Variants in NTRK3 observed in about 807,000 individuals in gnomAD.
The protein encoded by NTRK3 is NT-3 growth factor receptor.
Under a neutral mutation model 91.7 loss-of-function variants are expected in NTRK3, and 24 were observed. That is an observed-to-expected ratio of 0.26 (90% CI 0.19 to 0.37). The LOEUF (loss-of-function observed/expected upper bound fraction) is 0.37, where lower values mean the gene tolerates loss of function less well. Among genes scored for constraint, NTRK3 ranks in the 10% least tolerant of loss-of-function variants. The probability of loss-of-function intolerance (pLI) is 1.00; values close to 1 mark genes in which losing one functional copy is unlikely to be tolerated. For missense variants in NTRK3, 880 were observed against 1,068.9 expected, an observed-to-expected ratio of 0.82 and a Z score of 2.46; for synonymous variants, 483 against 404.0, an observed-to-expected ratio of 1.20 and a Z score of -2.34.
chr15:87,991,502 C>G (rs1270274533), intron 14 of NTRK3, among the ~76,000 whole-genome samples: 1 of 152,314 alleles, frequency 6.6e-6, no homozygotes, highest in African/African-American at 2.4e-5. Context: ...CCAGCACAAA[C>G]TTTCTTCTGA....
At chr15:88,028,509 C>G (rs964509416) in intron 14 of NTRK3, among the ~76,000 whole-genome samples, 1 of 151,864 alleles carries the variant, frequency 6.6e-6, no homozygotes, top group African/African-American at 2.4e-5. Flanking sequence ...AGGACAGAGA[C>G]CTACAAGAGG....
chr15:87,955,789 A>C (rs747094180), intron 14 of NTRK3, among the ~76,000 whole-genome samples: 6 of 152,164 alleles, frequency 3.9e-5, no homozygotes, highest in Non-Finnish European at 8.8e-5. Flanking sequence ...GATGGAAACC[A>C]AGGTGCCAAC....
At chr15:88,165,139 G>A (rs981710276) in intron 5 of NTRK3, among the ~76,000 whole-genome samples, 6 of 152,178 alleles carry the variant, frequency 3.9e-5, no homozygotes, top group African/African-American at 1.4e-4. Flanking sequence ...AAACAAGCGG[G>A]AACAGAACAG....
At chr15:88,184,191 A>C in intron 4 of NTRK3, 34 bp downstream of exon 4, 1 of 1,609,046 alleles carries the variant, frequency 6.2e-7, no homozygotes, top group South Asian at 1.1e-5. Flanking sequence ...CCCCTTCCAC[A>C]GGGAAAGGCC....
intron 13 of NTRK3, among the ~76,000 whole-genome samples, chr15:88,060,561 AG>A (rs1028319642): frequency 2.0e-5 from 3 of 152,068 alleles, no homozygotes; most frequent in African/African-American, 7.2e-5. Context: ...AGGGGGAGAC[AG>A]GGTAGAGAGG....
Position 88,184,441 on chromosome 15 carries a change from C to T in NTRK3, c.249-142G>A, listed in dbSNP as rs2046785901. ...GCCAAGTCACCAAATAAATCTGAGC[C>T]TCAGTTTCTTCCTCTGCGTGGTGGG... On this transcript the variant is annotated intron_variant, in intron 3 of 18. Coordinates refer to ENST00000394480, the Ensembl canonical transcript of NTRK3. 5 of 818,566 alleles carry T rather than the reference C, an allele frequency of 6.1e-6. No individual in the cohort carries two copies. The East Asian group carries it at 8.0e-5, about 13-fold the overall frequency. 50.7% of individuals were successfully genotyped at this position (818,566 alleles called of 1,614,324 possible). A position where few individuals can be genotyped will look rare whatever the true frequency, so the allele number is the denominator to read the frequency against.
At chr15:87,990,344 C>T (rs975875237) in intron 14 of NTRK3, among the ~76,000 whole-genome samples, 3 of 152,166 alleles carry the variant, frequency 2.0e-5, no homozygotes, top group African/African-American at 4.8e-5. Context: ...GAGCACATAC[C>T]GTTCTGCAGA....
At chr15:88,036,216 A>G (rs1168379176) in intron 13 of NTRK3, among the ~76,000 whole-genome samples, 1 of 152,172 alleles carries the variant, frequency 6.6e-6, no homozygotes, top group Admixed American at 6.5e-5. Flanking sequence ...ACACACGTAT[A>G]TCAAGGCACA....
intron 13 of NTRK3, among the ~76,000 whole-genome samples, chr15:88,044,479 T>C (rs891964297): frequency 6.6e-6 from 1 of 151,820 alleles, no homozygotes; most frequent in African/African-American, 2.4e-5. Flanking sequence ...GCCAGGATGG[T>C]CTTGATCTCC....
At chr15:88,090,848 A>T (rs937670447) in intron 13 of NTRK3, among the ~76,000 whole-genome samples, 4 of 152,070 alleles carry the variant, frequency 2.6e-5, no homozygotes, top group Non-Finnish European at 5.9e-5. Flanking sequence ...TTCAGCCCTA[A>T]ATGTGAAAAA....
exon 19 of NTRK3, chr15:87,869,082 T>G: frequency 4.4e-6 from 1 of 228,606 alleles, no homozygotes; most frequent in Non-Finnish European, 8.7e-6. Context: ...CAGCAGAGTG[T>G]TTTTCATGCC....
intron 9 of NTRK3, among the ~76,000 whole-genome samples, 179 bp from the exon 10 acceptor site, chr15:88,135,576 C>T (rs1030316019): frequency 2.6e-5 from 4 of 152,182 alleles, no homozygotes; most frequent in Admixed American, 6.5e-5. Context: ...TTTATGCAAG[C>T]TTCCTAGATC....
At position 88,146,566 on chromosome 15, in the gene NTRK3, C is replaced by T. The variant is rs148975090; in HGVS notation, c.464+769G>A. On this transcript the variant is annotated intron_variant, in intron 6 of 18. Transcript: ENST00000394480. ...GCACAGAGATGACCCCGATGAATCACTCATCAACATGAGTTATTTTTTCCA... is the reference window on the plus strand; with the variant it reads ...GCACAGAGATGACCCCGATGAATCATTCATCAACATGAGTTATTTTTTCCA... Among the ~76,000 whole-genome samples the T allele has an allele frequency of 5.2e-3, 793 of 152,278 alleles. 13 individuals are homozygous for T. The highest frequency in any genetic ancestry group is 0.029 in the Admixed American group (440 of 15,296).
At chr15:87,880,071 C>T (rs559366142) in intron 18 of NTRK3, among the ~76,000 whole-genome samples, 199 bp downstream of exon 19, 14 of 152,258 alleles carry the variant, frequency 9.2e-5, no homozygotes, top group African/African-American at 2.9e-4. Flanking sequence ...ATTTCATGCT[C>T]TTTTGACAAT....
At chr15:88,150,660 A>C (rs906818780) in intron 5 of NTRK3, among the ~76,000 whole-genome samples, 1 of 152,166 alleles carries the variant, frequency 6.6e-6, no homozygotes, top group African/African-American at 2.4e-5. Context: ...ACTGTATTGC[A>C]CAAGTTCAGG....
intron 14 of NTRK3, among the ~76,000 whole-genome samples, chr15:88,024,156 T>C (rs1056866847): frequency 2.2e-4 from 34 of 152,350 alleles, no homozygotes; most frequent in African/African-American, 7.9e-4. Context: ...TCATGGTTAA[T>C]TGACCCAGAA....
At chr15:87,942,053 C>T (rs186084741) in intron 14 of NTRK3, among the ~76,000 whole-genome samples, 2 of 152,340 alleles carry the variant, frequency 1.3e-5, no homozygotes, top group East Asian at 3.9e-4. Context: ...GACAGAGGGG[C>T]ATGGCTGGAA....
intron 5 of NTRK3, among the ~76,000 whole-genome samples, chr15:88,158,347 G>A (rs535967390): frequency 1.6e-4 from 24 of 152,196 alleles, no homozygotes; most frequent in Non-Finnish European, 3.4e-4. Flanking sequence ...TAAAGTCTGA[G>A]TTCACAAGGC....
intron 17 of NTRK3, among the ~76,000 whole-genome samples, chr15:87,883,138 G>T (rs1022965958): frequency 3.3e-5 from 5 of 150,618 alleles, no homozygotes; most frequent in Non-Finnish European, 7.4e-5. Flanking sequence ...TGCATATACA[G>T]ATATATATAG....
Sources: allele counts gnomAD v4.1 joint callset (sites outside exome capture counted in the v4.1 genomes callset), GRCh38; gene constraint gnomAD v4.1.1; transcripts MANE v1.5; gene names NCBI Gene and HGNC (gene_info 2026-07-23, HGNC 2026-07-21).